Variants in FDX1 observed in about 807,000 individuals in gnomAD.
FDX1 encodes ferredoxin 1, also known as adrenodoxin, mitochondrial.
FDX1 carries 9 observed loss-of-function variants against 14.9 expected under a neutral mutation model. That is an observed-to-expected ratio of 0.60 (90% confidence interval 0.36 to 1.05). The LOEUF is 1.05. Ranked by LOEUF, FDX1 falls within the 50% of genes least tolerant of loss-of-function variation. FDX1 has a pLI of 0.01. For synonymous variants in FDX1, 92 were observed against 99.4 expected, an observed-to-expected ratio of 0.93 and a Z score of 0.44; for missense variants, 204 against 237.2, an observed-to-expected ratio of 0.86 and a Z score of 0.92.
Position 110,431,309 on chromosome 11 carries a change from A to T in FDX1, c.185+1004A>T, listed in dbSNP as rs149252717. On this transcript the variant is annotated intron_variant, in intron 1 of 3. Transcript: ENST00000260270. ...CATAATTTTTACCAACATGGTGGCGATTTATATAATGCAGATCTCTCGACA... is the reference window on the plus strand; with the variant it reads ...CATAATTTTTACCAACATGGTGGCGTTTTATATAATGCAGATCTCTCGACA... Among the ~76,000 whole-genome samples the T allele has an allele frequency of 5.1e-4, 77 of 152,332 alleles. No homozygotes were observed. The East Asian group carries it at 7.7e-3, about 15-fold the overall frequency.
chr11:110,454,475 G>A (rs1186847951), intron 2 of FDX1, among the ~76,000 whole-genome samples: 1 of 152,068 alleles, frequency 6.6e-6, no homozygotes, highest in Non-Finnish European at 1.5e-5. Context: ...ATTGTATGGC[G>A]GTACAATAAT....
Position 110,444,724 on chromosome 11 carries a change from GTA to G in FDX1, c.310+8785_310+8786del, listed in dbSNP as rs1332438783. 4.2e-3 allele frequency among the ~76,000 whole-genome samples: 114 copies of G among 27,396 alleles called. 8 individuals are homozygous for G. The highest frequency in any genetic ancestry group is 0.02 in the East Asian group (15 of 736). The allele number at this position is 27,396 out of a possible 152,430, so 18.0% of individuals were successfully genotyped here. Reference sequence around the variant, plus strand: ...TATATACGTATATATATATATATACGTATATATATATATATATATACACGTAT... The same window carrying G: ...TATATACGTATATATATATATATACGTATATATATATATATATACACGTAT... On this transcript the variant is annotated intron_variant, in intron 2 of 3. Transcript: ENST00000260270.
chr11:110,437,523 C>G (rs1228702275), intron 2 of FDX1, among the ~76,000 whole-genome samples: 1 of 152,032 alleles, frequency 6.6e-6, no homozygotes, highest in African/African-American at 2.4e-5. Context: ...GATGGTATAT[C>G]TCATTGTGGT....
chr11:110,456,815 A>G (rs2134692316), intron 2 of FDX1, 103 bp from the exon 3 acceptor site: 1 of 1,284,224 alleles, frequency 7.8e-7, no homozygotes, highest in Non-Finnish European at 1.1e-6. Flanking sequence ...GGCCTCACTT[A>G]TGTATTCTAA....
intron 2 of FDX1, among the ~76,000 whole-genome samples, chr11:110,453,737 A>T (rs1056167104): frequency 4.6e-5 from 7 of 152,124 alleles, no homozygotes; most frequent in African/African-American, 1.4e-4. Context: ...TCTATTTTTT[A>T]AATTTTTCTT....
At position 110,444,724 on chromosome 11, in the gene FDX1, GTATATA is replaced by G. The variant is rs1332438783; in HGVS notation, c.310+8781_310+8786del. Among the ~76,000 whole-genome samples, 114 of 27,266 alleles carry G rather than the reference GTATATA, an allele frequency of 4.2e-3. 3 individuals are homozygous for G. Among genetic ancestry groups the G allele is most frequent in the East Asian group, 0.011 (8 of 728 alleles). 17.9% of individuals were successfully genotyped at this position (27,266 alleles called of 152,430 possible). A position where few individuals can be genotyped will look rare whatever the true frequency, so the allele number is the denominator to read the frequency against. ...TATATACGTATATATATATATATACGTATATATATATATATATATACACGTATATAT... is the reference window on the plus strand; with the variant it reads ...TATATACGTATATATATATATATACGTATATATATATATACACGTATATAT... On this transcript the variant is annotated intron_variant, in intron 2 of 3. Transcript: ENST00000260270.
intron 1 of FDX1, among the ~76,000 whole-genome samples, chr11:110,434,955 G>C (rs1459926115): frequency 1.3e-5 from 2 of 151,862 alleles, no homozygotes; most frequent in Non-Finnish European, 1.5e-5. Flanking sequence ...GGGTCTCTCT[G>C]TGTTGCTCAG....
At chr11:110,438,084 G>GTAAACATA (rs1185825320) in intron 2 of FDX1, among the ~76,000 whole-genome samples, 1 of 152,148 alleles carries the variant, frequency 6.6e-6, no homozygotes, top group Non-Finnish European at 1.5e-5. Context: ...TAGTGCTGAG[G>GTAAACATA]TAAACATACG....
At chr11:110,460,316 C>T (rs1946548760) in intron 3 of FDX1, among the ~76,000 whole-genome samples, 1 of 152,214 alleles carries the variant, frequency 6.6e-6, no homozygotes, top group African/African-American at 2.4e-5. Context: ...GAAACACAGG[C>T]CCCTTAACTG....
At chr11:110,461,557 CAAA>C (rs57962982) in intron 3 of FDX1, among the ~76,000 whole-genome samples, 2 of 136,804 alleles carry the variant, frequency 1.5e-5, no homozygotes, top group Non-Finnish European at 3.2e-5. Flanking sequence ...AGTAATTCTG[CAAA>C]AAAAAAAGGA....
At chr11:110,452,041 A>C (rs1409064273) in intron 2 of FDX1, among the ~76,000 whole-genome samples, 1 of 152,216 alleles carries the variant, frequency 6.6e-6, no homozygotes, top group Non-Finnish European at 1.5e-5. Flanking sequence ...AAAAAGGTGC[A>C]TCAACCTAAA....
intron 2 of FDX1, among the ~76,000 whole-genome samples, chr11:110,456,509 C>CTTTTTTT (rs11463993): frequency 2.7e-4 from 23 of 83,808 alleles, no homozygotes; most frequent in Admixed American, 6.5e-4. Context: ...TTTATGTATT[C>CTTTTTTT]TTTTTTTTTT....
intron 1 of FDX1, among the ~76,000 whole-genome samples, chr11:110,432,496 G>T (rs1338990009): frequency 2.0e-5 from 3 of 152,158 alleles, no homozygotes; most frequent in Non-Finnish European, 4.4e-5. Flanking sequence ...TGATTTTGGA[G>T]GTGTTGGTGT....
chr11:110,446,944 A>G lies in FDX1; in HGVS notation c.311-9974A>G, dbSNP rs563983167. ...GTAATCCCTGCACTTTGGGAGGCCT[A>G]GGTGGGCAGATCACAAGGTCACGAG... On this transcript the variant is annotated intron_variant, in intron 2 of 3. Transcript: ENST00000260270. 2.3e-3 allele frequency among the ~76,000 whole-genome samples: 344 copies of G among 152,304 alleles called. 1 individual carries two copies. The highest frequency in any genetic ancestry group is 7.1e-3 in the African/African-American group (295 of 41,580).
intron 2 of FDX1, among the ~76,000 whole-genome samples, chr11:110,444,450 T>C (rs1946424947): frequency 6.6e-6 from 1 of 151,362 alleles, no homozygotes; most frequent in Non-Finnish European, 1.5e-5. Flanking sequence ...GCCCCATCTC[T>C]ACTAAAAATA....
intron 2 of FDX1, among the ~76,000 whole-genome samples, chr11:110,453,939 G>C (rs1445515327): frequency 6.6e-6 from 1 of 152,028 alleles, no homozygotes; most frequent in East Asian, 1.9e-4. Context: ...TATTATATTT[G>C]AACTTCTTCC....
intron 3 of FDX1, among the ~76,000 whole-genome samples, chr11:110,458,295 A>C (rs999061653): frequency 1.5e-4 from 23 of 152,206 alleles, no homozygotes; most frequent in African/African-American, 5.5e-4. Context: ...AAAATTTCCA[A>C]GTTTTACAGC....
At chr11:110,444,685 CACGTATATATATATATAT>C (rs1331600575) in intron 2 of FDX1, among the ~76,000 whole-genome samples, 855 of 36,714 alleles carry the variant, frequency 0.023, 33 homozygotes, top group Non-Finnish European at 0.027. Context: ...TATATATATA[CACGTATATATATATATAT>C]ACGTATATAT....
chr11:110,438,435 T>C (rs1284949792), intron 2 of FDX1, among the ~76,000 whole-genome samples: 2 of 152,088 alleles, frequency 1.3e-5, no homozygotes, highest in African/African-American at 2.4e-5. Flanking sequence ...AATATTTATT[T>C]ATTTATTTTT....
Sources: gnomAD v4.1 joint callset for allele counts (sites outside exome capture counted in the v4.1 genomes callset) on GRCh38, gnomAD v4.1.1 for gene constraint, MANE v1.5 for transcripts, NCBI Gene and HGNC (gene_info 2026-07-23, HGNC 2026-07-21) for gene names.